GSTA5: variants seen among roughly 807,000 people sequenced by gnomAD.
GSTA5 encodes glutathione S-transferase A5.
A neutral mutation model predicts 21.8 loss-of-function variants in GSTA5; 25 were observed. The ratio of observed to expected loss-of-function variants is 1.14; its 90% confidence interval spans 0.83 to 1.60. The LOEUF is 1.60. GSTA5 is among the 40% of genes most tolerant of loss of function. GSTA5 has a pLI of 0.00. For synonymous variants in GSTA5, 102 were observed against 89.5 expected, an observed-to-expected ratio of 1.14 and a Z score of -0.78; for missense variants, 330 against 259.2, an observed-to-expected ratio of 1.27 and a Z score of -1.88.
chr6:52,834,134 C>T lies in GSTA5; in HGVS notation c.414+7G>A. ...AGTTCCCCTAAACATTGAACAGCTT[C>T]ACTTACTTTTTCAAAGGCAGGGAAG... On this transcript the variant is annotated splice_region_variant and intron_variant, in intron 4 of 5. Coordinates refer to ENST00000370989, the Ensembl canonical transcript of GSTA5. The T allele has an allele frequency of 6.2e-7, 1 of 1,614,136 alleles. No individual in the cohort carries two copies. The highest frequency in any genetic ancestry group is 1.3e-5 in the African/African-American group (1 of 75,048).
At chr6:52,839,483 C>T (rs1764342033) in intron 1 of GSTA5, among the ~76,000 whole-genome samples, 1 of 152,212 alleles carries the variant, frequency 6.6e-6, no homozygotes, top group Admixed American at 6.5e-5. Flanking sequence ...CTTCATAGAA[C>T]TGAGAAAGGG....
upstream of GSTA5, among the ~76,000 whole-genome samples, chr6:52,843,756 G>A (rs189065034): frequency 8.1e-4 from 124 of 152,280 alleles, no homozygotes; most frequent in African/African-American, 2.8e-3. Context: ...AGTGTGGGGC[G>A]CGGTTGTTTA....
chr6:52,833,429 C>T (rs949767108), intron 4 of GSTA5, among the ~76,000 whole-genome samples: 1 of 152,200 alleles, frequency 6.6e-6, no homozygotes. Flanking sequence ...TAGAAGGAGA[C>T]TATTTCAGAG....
At chr6:52,833,265 C>T (rs1053844025) in intron 4 of GSTA5, among the ~76,000 whole-genome samples, 2 of 152,206 alleles carry the variant, frequency 1.3e-5, no homozygotes, top group East Asian at 1.9e-4. Context: ...CTTCCACATG[C>T]GCCAAGGACT....
At chr6:52,836,980 T>C (rs1764302222) in intron 2 of GSTA5, among the ~76,000 whole-genome samples, 1 of 152,218 alleles carries the variant, frequency 6.6e-6, no homozygotes, top group African/African-American at 2.4e-5. Context: ...AGGAAGAGGT[T>C]GGGACAAGTT....
At chr6:52,841,577 T>A (rs1193961019), upstream of GSTA5, among the ~76,000 whole-genome samples, 1 of 152,260 alleles carries the variant, frequency 6.6e-6, no homozygotes, top group East Asian at 1.9e-4. Context: ...GTGTTCTATA[T>A]TTTAACTCTG....
chr6:52,834,549 A>G lies in GSTA5; in HGVS notation c.273-267T>C, dbSNP rs566207484. Among the ~76,000 whole-genome samples, 4 of 152,342 alleles carry G rather than the reference A, an allele frequency of 2.6e-5. No homozygotes were observed. The East Asian group carries it at 5.8e-4, about 22-fold the overall frequency. ...TTTTGTTACACACATGACCTAATACAGGAAAAAGAGCATCGGTGGTCACAG... is the reference window on the plus strand; with the variant it reads ...TTTTGTTACACACATGACCTAATACGGGAAAAAGAGCATCGGTGGTCACAG... On this transcript the variant is annotated intron_variant, in intron 3 of 5. Transcript: ENST00000370989.
chr6:52,834,006 G>A, intron 4 of GSTA5, 135 bp downstream of exon 4: 2 of 900,586 alleles, frequency 2.2e-6, no homozygotes, highest in Non-Finnish European at 3.6e-6. Context: ...AAGAGGCCTT[G>A]AGAGTCAGAG....
intron 5 of GSTA5, among the ~76,000 whole-genome samples, chr6:52,832,189 G>A (rs1306614880): frequency 6.6e-6 from 1 of 152,214 alleles, no homozygotes; most frequent in African/African-American, 2.4e-5. Flanking sequence ...GTTTTAATCA[G>A]TTCAGTCATC....
exon 1 of GSTA5, chr6:52,840,757 A>T (rs762447563): frequency 6.2e-7 from 1 of 1,614,084 alleles, no homozygotes; most frequent in Admixed American, 1.7e-5. Context: ...GGAGCCACCG[A>T]ATGGACTCCA....
exon 6 of GSTA5, chr6:52,831,753 T>C: frequency 6.9e-7 from 1 of 1,444,392 alleles, no homozygotes; most frequent in Non-Finnish European, 9.5e-7. Flanking sequence ...TTATTAGCTT[T>C]ACAAGAGGCA....
At chr6:52,842,003 A>T (rs956043268), upstream of GSTA5, among the ~76,000 whole-genome samples, 2 of 152,204 alleles carry the variant, frequency 1.3e-5, no homozygotes, top group African/African-American at 2.4e-5. Flanking sequence ...ATGTTTCATG[A>T]GTTGTTAGTT....
upstream of GSTA5, among the ~76,000 whole-genome samples, chr6:52,844,206 C>G (rs1246680224): frequency 6.6e-6 from 1 of 152,212 alleles, no homozygotes; most frequent in Non-Finnish European, 1.5e-5. Context: ...TGAACTCCTT[C>G]TGATTGCAGG....
chr6:52,838,226 T>C (rs1764319769), intron 1 of GSTA5, among the ~76,000 whole-genome samples: 1 of 152,242 alleles, frequency 6.6e-6, no homozygotes, highest in Non-Finnish European at 1.5e-5. Flanking sequence ...TTATTTTTCA[T>C]GAAAACCTCT....
rs775471400 is a variant in GSTA5, at chr6:52,834,232, AGAAG to A, written c.319_322del (p.Leu107PhefsTer21). 67 of 1,613,826 alleles carry A rather than the reference AGAAG, an allele frequency of 4.2e-5. No individual in the cohort carries two copies. Among genetic ancestry groups the A allele is most frequent in the Middle Eastern group, 1.6e-4 (1 of 6,084 alleles). ...TTCCTCTGGTTGACATATGAGCAGA[AGAAG>A]GATCATTTCAGTCAAATCTACTATA... is the stretch of plus-strand genomic sequence containing the variant. On this transcript the variant is annotated frameshift_variant, in exon 4 of 6. Transcript: ENST00000370989. LOFTEE classifies it high-confidence loss of function.
At chr6:52,836,347 T>A (rs756604520) in exon 3 of GSTA5, 7 of 1,613,824 alleles carry the variant, frequency 4.3e-6, no homozygotes, top group Non-Finnish European at 1.7e-6. Flanking sequence ...CATTGGTACT[T>A]GCTGGAACAG....
At chr6:52,833,707 A>G (rs753995933) in intron 4 of GSTA5, among the ~76,000 whole-genome samples, 4 of 152,180 alleles carry the variant, frequency 2.6e-5, no homozygotes, top group Non-Finnish European at 4.4e-5. Context: ...AAACACTGCA[A>G]TATTCTCTGG....
upstream of GSTA5, among the ~76,000 whole-genome samples, chr6:52,843,512 C>A (rs1254778592): frequency 6.6e-6 from 1 of 152,106 alleles, no homozygotes; most frequent in Non-Finnish European, 1.5e-5. Flanking sequence ...TGATGATGAG[C>A]TTTTTTTATA....
chr6:52,845,176 A>T (rs578179889), upstream of GSTA5, among the ~76,000 whole-genome samples: 1 of 152,148 alleles, frequency 6.6e-6, no homozygotes, highest in South Asian at 2.1e-4. Flanking sequence ...ATATTCACTA[A>T]TCAGTCCACC....
Sources: allele counts gnomAD v4.1 joint callset (sites outside exome capture counted in the v4.1 genomes callset), GRCh38; gene constraint gnomAD v4.1.1; transcripts MANE v1.5; gene names NCBI Gene and HGNC (gene_info 2026-07-23, HGNC 2026-07-21).